The following ARFIP1 variants were observed in gnomAD, a reference collection of about 807,000 sequenced individuals.
ARFIP1 encodes the protein ARF interacting protein 1, also known as arfaptin-1.
ARFIP1 carries 24 observed loss-of-function variants against 42.5 expected under a neutral mutation model. The ratio of observed to expected loss-of-function variants is 0.57; its 90% CI spans 0.41 to 0.80. ARFIP1 has a LOEUF of 0.80. Ranked by LOEUF, ARFIP1 falls within the 30% of genes least tolerant of loss-of-function variation. The probability of loss-of-function intolerance (pLI) is 0.00; values close to 1 mark genes in which losing one functional copy is unlikely to be tolerated. For missense variants in ARFIP1, 354 were observed against 434.0 expected (o/e 0.82, Z 1.64); for synonymous variants, 141 against 153.7 (o/e 0.92, Z 0.61).
chr4:152,889,833 ATAC>A (rs1414026332), intron 8 of ARFIP1, among the ~76,000 whole-genome samples: 3 of 113,798 alleles, frequency 2.6e-5, no homozygotes, highest in East Asian at 4.4e-4. Context: ...TATATACTAT[ATAC>A]TATATATATA....
chr4:152,890,510 G>A (rs1736756704), intron 8 of ARFIP1, among the ~76,000 whole-genome samples: 1 of 152,086 alleles, frequency 6.6e-6, no homozygotes, highest in South Asian at 2.1e-4. Flanking sequence ...TACTAATTAG[G>A]GATCTTTTAT....
At chr4:152,819,258 G>T (rs1337158783) in intron 1 of ARFIP1, among the ~76,000 whole-genome samples, 2 of 152,202 alleles carry the variant, frequency 1.3e-5, no homozygotes, top group Non-Finnish European at 2.9e-5. Flanking sequence ...ACTCAGGAAA[G>T]AGAAAACTGT....
intron 7 of ARFIP1, among the ~76,000 whole-genome samples, chr4:152,883,746 T>C (rs1336572585): frequency 6.6e-6 from 1 of 151,568 alleles, no homozygotes; most frequent in Non-Finnish European, 1.5e-5. Context: ...AGACCTATAA[T>C]AGCCTTTTTC....
chr4:152,909,554 AT>A (rs1738669927), intron 8 of ARFIP1, among the ~76,000 whole-genome samples: 1 of 152,202 alleles, frequency 6.6e-6, no homozygotes, highest in South Asian at 2.1e-4. Flanking sequence ...TGAGAGTCAT[AT>A]GAGCGTTAAG....
At position 152,832,800 on chromosome 4, in the gene ARFIP1, A is replaced by G. The variant is rs144538495; in HGVS notation, c.93+3074A>G. ...TTTCTTCCTCTCATGTAAATATTCA[A>G]TTGATCAGCACTGTTTTTTGAAAAG... On this transcript the variant is annotated intron_variant, in intron 2 of 8. Coordinates refer to ENST00000353617, the MANE Select transcript of ARFIP1 (RefSeq NM_001025595.3). Among the ~76,000 whole-genome samples the G allele has an allele frequency of 1.3e-3, 200 of 152,330 alleles. 2 individuals carry two copies. The highest frequency in any genetic ancestry group is 2.5e-3 in the Admixed American group (39 of 15,300).
At chr4:152,883,985 A>G (rs886497116) in intron 7 of ARFIP1, among the ~76,000 whole-genome samples, 1 of 151,902 alleles carries the variant, frequency 6.6e-6, no homozygotes, top group Non-Finnish European at 1.5e-5. Context: ...AAAAACTCCA[A>G]ACTCATCTAG....
intron 2 of ARFIP1, among the ~76,000 whole-genome samples, chr4:152,853,547 A>G (rs1179137136): frequency 1.3e-5 from 2 of 152,096 alleles, no homozygotes; most frequent in Non-Finnish European, 2.9e-5. Context: ...GGGTTCCTTT[A>G]TAGGTGATTA....
chr4:152,881,195 T>C lies in ARFIP1; in HGVS notation c.633+11T>C. On this transcript the variant is annotated intron_variant, in intron 6 of 8. Coordinates refer to ENST00000353617, the MANE Select transcript of ARFIP1 (RefSeq NM_001025595.3). The stretch of plus-strand genomic sequence containing the variant: ...TCACTAGAACTTCATGTAAGATTAT[T>C]CTAAATAACTATTAGGGATGGGAGA... The C allele has an allele frequency of 1.3e-6, 2 of 1,566,566 alleles. No individual in the cohort carries two copies. The highest frequency in any genetic ancestry group is 1.8e-6 in the Non-Finnish European group (2 of 1,140,602).
chr4:152,817,654 GA>G (rs1230480867), intron 1 of ARFIP1, among the ~76,000 whole-genome samples: 2 of 152,152 alleles, frequency 1.3e-5, no homozygotes, highest in African/African-American at 4.8e-5. Context: ...ACAACAGAGT[GA>G]AAAGGCAACC....
intron 1 of ARFIP1, among the ~76,000 whole-genome samples, chr4:152,816,873 TCTTTC>T (rs1461809382): frequency 6.6e-6 from 1 of 152,246 alleles, no homozygotes; most frequent in Non-Finnish European, 1.5e-5. Context: ...CTATTGAGGA[TCTTTC>T]CTTTACTATA....
chr4:152,853,241 A>C (rs1049790396), intron 2 of ARFIP1, among the ~76,000 whole-genome samples: 1 of 151,768 alleles, frequency 6.6e-6, no homozygotes, highest in South Asian at 2.1e-4. Context: ...TCTCTTTGTC[A>C]TTTATGTGTT....
intron 1 of ARFIP1, among the ~76,000 whole-genome samples, chr4:152,820,218 G>C (rs1305754322): frequency 6.6e-6 from 1 of 151,670 alleles, no homozygotes; most frequent in African/African-American, 2.4e-5. Context: ...CACCATTGCA[G>C]TATTGCATTT....
rs147419180 is a variant in ARFIP1, at chr4:152,788,324, T to C, written c.-10+8098T>C. ...TGTAATAGACCCTTTTATTTTTGGA[T>C]GGTTTTAGTTTTACAGAATTACTGT... On this transcript the variant is annotated intron_variant, in intron 1 of 8. Transcript: ENST00000353617. Among the ~76,000 whole-genome samples, 9 of 152,346 alleles carry C rather than the reference T, an allele frequency of 5.9e-5. No homozygotes were observed. The East Asian group carries it at 1.7e-3, about 29-fold the overall frequency.
intron 2 of ARFIP1, among the ~76,000 whole-genome samples, chr4:152,832,040 G>A (rs72968465): frequency 0.014 from 2,131 of 151,820 alleles, 28 homozygotes; most frequent in African/African-American, 0.034. Context: ...TATCTAGGTT[G>A]TTTCCAGTTT....
chr4:152,809,437 T>G (rs183757792), intron 1 of ARFIP1, among the ~76,000 whole-genome samples: 123 of 152,314 alleles, frequency 8.1e-4, no homozygotes, highest in African/African-American at 2.9e-3. Context: ...TACTGATGCA[T>G]GCAACAACTC....
intron 8 of ARFIP1, among the ~76,000 whole-genome samples, chr4:152,901,486 T>C (rs1459896297): frequency 6.6e-6 from 1 of 152,230 alleles, no homozygotes; most frequent in Non-Finnish European, 1.5e-5. Context: ...ACTCAACAGA[T>C]GTTGCCGTAG....
At chr4:152,799,863 C>T (rs953284928) in intron 1 of ARFIP1, among the ~76,000 whole-genome samples, 2 of 152,106 alleles carry the variant, frequency 1.3e-5, no homozygotes, top group African/African-American at 4.8e-5. Flanking sequence ...TGAGTTTTGT[C>T]TTTGTAATTG....
At chr4:152,822,322 CAAGGT>C (rs1156535288) in intron 1 of ARFIP1, among the ~76,000 whole-genome samples, 1 of 113,514 alleles carries the variant, frequency 8.8e-6, no homozygotes, top group Non-Finnish European at 1.9e-5. Flanking sequence ...AAAAAAAAGA[CAAGGT>C]CATTATATAA....
chr4:152,851,806 A>G (rs907398129), intron 2 of ARFIP1, among the ~76,000 whole-genome samples: 1 of 152,246 alleles, frequency 6.6e-6, no homozygotes, highest in African/African-American at 2.4e-5. Context: ...TTGGTTTTAC[A>G]CTACAGTTCA....
Sources: gnomAD v4.1 joint callset for allele counts (sites outside exome capture counted in the v4.1 genomes callset) on GRCh38, gnomAD v4.1.1 for gene constraint, MANE v1.5 for transcripts, NCBI Gene and HGNC (gene_info 2026-07-23, HGNC 2026-07-21) for gene names.